SCMH1: variants seen among roughly 807,000 people sequenced by gnomAD.
SCMH1 encodes polycomb protein SCMH1.
SCMH1 carries 37 observed loss-of-function variants against 70.8 expected under a neutral mutation model. The observed-to-expected ratio is 0.52, with a 90% CI of 0.40 to 0.69. SCMH1 has a LOEUF of 0.69. Ranked by LOEUF, SCMH1 falls within the 30% of genes least tolerant of loss-of-function variation. SCMH1 has a pLI of 0.00. For missense variants in SCMH1, 607 were observed against 827.3 expected (o/e 0.73, Z 3.27); for synonymous variants, 292 against 307.4 (o/e 0.95, Z 0.52).
chr1:41,047,557 T>A (rs937323672), intron 11 of SCMH1, among the ~76,000 whole-genome samples: 1 of 151,388 alleles, frequency 6.6e-6, no homozygotes, highest in African/African-American at 2.4e-5. Flanking sequence ...CCACCATGCC[T>A]GGCTAATGTT....
At chr1:41,067,547 A>G (rs144887136) in intron 10 of SCMH1, among the ~76,000 whole-genome samples, 2 of 151,990 alleles carry the variant, frequency 1.3e-5, no homozygotes, top group African/African-American at 2.4e-5. Context: ...AAAGAAGCCA[A>G]TCTGAAAAGG....
chr1:41,058,142 GA>G (rs1456675429), intron 10 of SCMH1, among the ~76,000 whole-genome samples: 1 of 131,272 alleles, frequency 7.6e-6, no homozygotes, highest in African/African-American at 2.6e-5. Context: ...AAAAGAAAAA[GA>G]AAAAAAATGA....
In SCMH1 at chr1:41,164,335, T is replaced by C. The variant is rs544798668; in HGVS notation, c.14-2903A>G. 3.3e-5 allele frequency among the ~76,000 whole-genome samples: 5 copies of C among 152,210 alleles called. No individual in the cohort carries two copies. In the East Asian group the frequency reaches 9.6e-4, roughly 29 times the overall value. The stretch of plus-strand genomic sequence containing the variant: ...TACACCACCCAGAAATCATACCACA[T>C]TTCTACACTATGTTTACTTTTCCAA... On this transcript the variant is annotated intron_variant, in intron 2 of 14. Transcript: ENST00000337495.
intron 8 of SCMH1, among the ~76,000 whole-genome samples, chr1:41,079,628 T>C (rs932140276): frequency 6.6e-6 from 1 of 152,120 alleles, no homozygotes; most frequent in African/African-American, 2.4e-5. Flanking sequence ...TTTATGCCAA[T>C]TAAATATGAA....
chr1:41,063,521 GA>G, intron 10 of SCMH1, among the ~76,000 whole-genome samples: 1 of 151,522 alleles, frequency 6.6e-6, no homozygotes, highest in South Asian at 2.1e-4. Context: ...CTGGTTTGTT[GA>G]AAAGATAAAT....
At chr1:41,037,270 G>A in intron 13 of SCMH1, 92 bp downstream of exon 13, 1 of 1,333,860 alleles carries the variant, frequency 7.5e-7, no homozygotes, top group African/African-American at 1.4e-5. Flanking sequence ...GAGGGCAACA[G>A]AGCTAGGTCC....
intron 13 of SCMH1, among the ~76,000 whole-genome samples, chr1:41,033,266 A>AC (rs1477615747): frequency 6.6e-6 from 1 of 151,764 alleles, no homozygotes; most frequent in Non-Finnish European, 1.5e-5. Context: ...AGCCTGGGTG[A>AC]CACAGTGAGA....
Position 41,113,520 on chromosome 1 carries a change from G to C in SCMH1, c.508C>G (p.Pro170Ala), listed in dbSNP as rs1557497798. ...TTGAAGAAGTTGTGGGAAGGCGATG[G>C]TGGCTCCTAGATGAGAAACAGAAAC... Residue 170 changes from proline (P) to alanine (A), a missense_variant, in exon 8 of 15, where the codon CCA becomes GCA. Physicochemically the swap from Pro to Ala is conservative, Grantham distance 27. Transcript: ENST00000337495. This position sits in a 1 kb window ranked among gnomAD's most constrained non-coding sequence, Gnocchi z 4.3. 1 of 1,613,100 alleles carries C rather than the reference G, an allele frequency of 6.2e-7. No individual in the cohort carries two copies.
chr1:41,143,959 T>C (rs1029556905), intron 5 of SCMH1, among the ~76,000 whole-genome samples: 1 of 152,230 alleles, frequency 6.6e-6, no homozygotes, highest in African/African-American at 2.4e-5. Flanking sequence ...CTGACGGAGA[T>C]TTGGTTTGTT....
intron 12 of SCMH1, chr1:41,045,585 G>C (rs1299171274): frequency 6.6e-6 from 1 of 152,026 alleles, no homozygotes; most frequent in Non-Finnish European, 1.5e-5. Context: ...ACACCTTTCA[G>C]ACCTGTGCCC....
chr1:41,131,882 T>C (rs1307696748), intron 6 of SCMH1, among the ~76,000 whole-genome samples: 1 of 152,210 alleles, frequency 6.6e-6, no homozygotes, highest in Non-Finnish European at 1.5e-5. Context: ...CATGAACTCA[T>C]CCTTTTTATG....
intron 1 of SCMH1, among the ~76,000 whole-genome samples, chr1:41,234,457 T>G (rs904643075): frequency 3.7e-4 from 4 of 10,758 alleles, no homozygotes; most frequent in Non-Finnish European, 4.2e-4. Flanking sequence ...CTGCCTCTTT[T>G]TTTTTTTTTT....
intron 12 of SCMH1, among the ~76,000 whole-genome samples, chr1:41,040,739 C>T (rs1646029306): frequency 6.6e-6 from 1 of 152,102 alleles, no homozygotes; most frequent in Non-Finnish European, 1.5e-5. Context: ...TGGTGCATGC[C>T]TGTAATCCCA....
intron 8 of SCMH1, among the ~76,000 whole-genome samples, chr1:41,094,884 G>A (rs1664647847): frequency 6.8e-6 from 1 of 147,892 alleles, no homozygotes; most frequent in African/African-American, 2.5e-5. Flanking sequence ...GTGAGACTCT[G>A]CCTCAAAAAA....
chr1:41,029,124 G>A (rs1644155738), intron 13 of SCMH1, among the ~76,000 whole-genome samples: 1 of 152,090 alleles, frequency 6.6e-6, no homozygotes, highest in Admixed American at 6.6e-5. Context: ...CAAATCCTTG[G>A]CACGTGGGCA....
In SCMH1 at chr1:41,149,016, C is replaced by G. The variant is rs150130407; in HGVS notation, c.177+2598G>C. On this transcript the variant is annotated intron_variant, in intron 5 of 14. Transcript: ENST00000337495. Reference sequence around the variant, plus strand: ...CCGTGTTAGCCAGGATGGTCTTAATCTCCTGACTTCACGATCCGCCCACCT... The same window carrying G: ...CCGTGTTAGCCAGGATGGTCTTAATGTCCTGACTTCACGATCCGCCCACCT... Among the ~76,000 whole-genome samples, 928 of 152,264 alleles carry G rather than the reference C, an allele frequency of 6.1e-3. 6 individuals are homozygous for G. Among genetic ancestry groups the G allele is most frequent in the Non-Finnish European group, 9.2e-3 (623 of 68,024 alleles).
chr1:41,197,935 T>C (rs1653418146), intron 1 of SCMH1, among the ~76,000 whole-genome samples: 1 of 152,220 alleles, frequency 6.6e-6, no homozygotes, highest in African/African-American at 2.4e-5. Flanking sequence ...CTGGATAATG[T>C]TACTATCTAT....
chr1:41,071,875 C>T (rs1470265691), intron 9 of SCMH1, among the ~76,000 whole-genome samples: 1 of 152,104 alleles, frequency 6.6e-6, no homozygotes, highest in African/African-American at 2.4e-5. Context: ...ATTGCCAAGG[C>T]TGGTCTCGAA....
At position 41,113,459 on chromosome 1, in the gene SCMH1, T is replaced by C; in HGVS notation, c.569A>G (p.Asn190Ser). Residue 190 changes from asparagine to serine, a missense_variant, in exon 8 of 15, where the codon AAC (asparagine) becomes AGC (serine). Coordinates refer to ENST00000337495, the Ensembl canonical transcript of SCMH1. This position sits in a 1 kb window ranked among gnomAD's most constrained non-coding sequence, Gnocchi z 4.3. ...AGTGGCTGGGCAAATGAAATGAGGGTTCTTCCTGTCCACAGCTTCTAGCTT... is the reference window on the plus strand; with the variant it reads ...AGTGGCTGGGCAAATGAAATGAGGGCTCTTCCTGTCCACAGCTTCTAGCTT... The C allele has an allele frequency of 6.2e-7, 1 of 1,613,992 alleles. No homozygotes were observed. Among genetic ancestry groups the C allele is most frequent in the Non-Finnish European group, 8.5e-7 (1 of 1,179,972 alleles).
Sources: gnomAD v4.1 joint callset for allele counts (sites outside exome capture counted in the v4.1 genomes callset) on GRCh38, gnomAD v4.1.1 for gene constraint, Gnocchi (gnomAD v3.1) non-coding constraint, MANE v1.5 for transcripts, NCBI Gene and HGNC (gene_info 2026-07-23, HGNC 2026-07-21) for gene names.